MACROD2: variants seen among roughly 807,000 people sequenced by gnomAD.
The protein encoded by MACROD2 is mono-ADP ribosylhydrolase 2.
In MACROD2, 36 loss-of-function variants were observed where a neutral mutation model predicts 70.4. The ratio of observed to expected loss-of-function variants is 0.51; its 90% CI spans 0.39 to 0.68. The LOEUF (loss-of-function observed/expected upper bound fraction) is 0.68, where lower values mean the gene tolerates loss of function less well. MACROD2 is among the 30% of genes least tolerant of loss of function. The pLI is 0.00. For synonymous variants in MACROD2, 172 were observed against 178.8 expected (o/e 0.96, Z 0.30); for missense variants, 496 against 538.4 (o/e 0.92, Z 0.78).
intron 5 of MACROD2, among the ~76,000 whole-genome samples, chr20:15,007,007 TA>T (rs944214949): frequency 6.6e-4 from 100 of 151,214 alleles, no homozygotes; most frequent in Middle Eastern, 6.8e-3. Flanking sequence ...CCAATTGCTT[TA>T]AAAAAAATAC....
intron 8 of MACROD2, among the ~76,000 whole-genome samples, chr20:15,546,619 C>T (rs2146578367): frequency 6.6e-6 from 1 of 152,292 alleles, no homozygotes; most frequent in East Asian, 1.9e-4. Context: ...GAAATGGACA[C>T]TCAAAGCACA....
intron 5 of MACROD2, among the ~76,000 whole-genome samples, chr20:15,071,064 G>A (rs988407799): frequency 3.9e-5 from 6 of 152,060 alleles, no homozygotes; most frequent in African/African-American, 7.2e-5. Flanking sequence ...AATGGGCTTT[G>A]GCTCTATTTT....
intron 8 of MACROD2, among the ~76,000 whole-genome samples, chr20:15,650,564 T>A (rs932431960): frequency 2.0e-5 from 3 of 152,254 alleles, no homozygotes; most frequent in Non-Finnish European, 4.4e-5. Flanking sequence ...TGACCATCTG[T>A]GTTCAGGTCA....
At chr20:15,125,479 C>A (rs975573059) in intron 5 of MACROD2, among the ~76,000 whole-genome samples, 1 of 151,944 alleles carries the variant, frequency 6.6e-6, no homozygotes, top group Non-Finnish European at 1.5e-5. Context: ...TTCATTCAAC[C>A]AACATTTATC....
chr20:15,053,225 G>A (rs144323886), intron 5 of MACROD2, among the ~76,000 whole-genome samples: 48 of 152,330 alleles, frequency 3.2e-4, no homozygotes, highest in Non-Finnish European at 1.6e-4. Flanking sequence ...ACTGATGAGC[G>A]TGGCTATACC....
At chr20:14,556,292 G>A (rs1282542308) in intron 4 of MACROD2, among the ~76,000 whole-genome samples, 2 of 151,998 alleles carry the variant, frequency 1.3e-5, no homozygotes, top group East Asian at 1.9e-4. Context: ...ACAGTGCTAC[G>A]AAGATGGCAA....
intron 3 of MACROD2, among the ~76,000 whole-genome samples, chr20:14,161,579 T>G (rs2055189814): frequency 6.6e-6 from 1 of 151,654 alleles, no homozygotes; most frequent in East Asian, 1.9e-4. Flanking sequence ...CCTTTGGTTT[T>G]TTTTTTTTTT....
chr20:14,562,679 A>G (rs1979517379), intron 4 of MACROD2, among the ~76,000 whole-genome samples: 1 of 151,872 alleles, frequency 6.6e-6, no homozygotes, highest in Non-Finnish European at 1.5e-5. Flanking sequence ...TGAGATTTTC[A>G]GTCAATCACC....
At chr20:15,229,811 C>T in intron 5 of MACROD2, 129 bp from the exon 6 acceptor site, 3 of 913,398 alleles carry the variant, frequency 3.3e-6, no homozygotes, top group Non-Finnish European at 4.5e-6. Flanking sequence ...TTTGCGTCGC[C>T]AATGTATTGC....
At chr20:15,511,706 G>T in intron 8 of MACROD2, among the ~76,000 whole-genome samples, 1 of 152,116 alleles carries the variant, frequency 6.6e-6, no homozygotes, top group East Asian at 1.9e-4. Context: ...TAGGCTGGGC[G>T]GCTTCTTCTG....
chr20:14,773,830 C>A (rs758168492), intron 5 of MACROD2, among the ~76,000 whole-genome samples: 5 of 152,050 alleles, frequency 3.3e-5, no homozygotes, highest in Non-Finnish European at 7.4e-5. Flanking sequence ...ATCATTCTCA[C>A]CCATATTAAT....
intron 8 of MACROD2, among the ~76,000 whole-genome samples, chr20:15,822,440 C>A (rs1007258021): frequency 1.1e-4 from 16 of 151,960 alleles, no homozygotes; most frequent in Admixed American, 2.0e-4. Flanking sequence ...ATAAAATATA[C>A]CATGTTTGAA....
intron 3 of MACROD2, among the ~76,000 whole-genome samples, chr20:14,136,198 AATTTCC>A (rs1440137904): frequency 4.6e-5 from 7 of 152,276 alleles, no homozygotes; most frequent in South Asian, 2.1e-4. Context: ...AGCACTCAGA[AATTTCC>A]ATTTCCAAGT....
At chr20:15,901,668 G>T (rs554124546) in intron 10 of MACROD2, among the ~76,000 whole-genome samples, 4 of 152,300 alleles carry the variant, frequency 2.6e-5, no homozygotes, top group African/African-American at 9.6e-5. Context: ...CCCATCTTAA[G>T]TCAAGGAGCA....
intron 5 of MACROD2, among the ~76,000 whole-genome samples, chr20:14,736,255 T>C (rs2071663470): frequency 6.6e-6 from 1 of 152,172 alleles, no homozygotes; most frequent in Non-Finnish European, 1.5e-5. Context: ...TGTTACTCCA[T>C]TTATATAAAA....
intron 5 of MACROD2, among the ~76,000 whole-genome samples, chr20:14,858,979 C>T (rs897689428): frequency 6.6e-6 from 1 of 151,996 alleles, no homozygotes; most frequent in Non-Finnish European, 1.5e-5. Context: ...TAAGTAGTCA[C>T]GAATGGTTAA....
chr20:15,439,079 T>G (rs1166513719), intron 7 of MACROD2, among the ~76,000 whole-genome samples: 1 of 152,194 alleles, frequency 6.6e-6, no homozygotes, highest in Non-Finnish European at 1.5e-5. Context: ...AGAGCCAAAC[T>G]AAATACAGCA....
intron 12 of MACROD2, among the ~76,000 whole-genome samples, chr20:15,953,047 C>A (rs6110844): frequency 6.6e-6 from 1 of 152,010 alleles, no homozygotes; most frequent in Non-Finnish European, 1.5e-5. Context: ...AAAAGAAAGC[C>A]TGTCATTCGT....
intron 4 of MACROD2, among the ~76,000 whole-genome samples, chr20:14,599,985 A>T (rs1982381991): frequency 6.6e-6 from 1 of 152,114 alleles, no homozygotes; most frequent in Non-Finnish European, 1.5e-5. Flanking sequence ...ATAGAGGTTG[A>T]CATTTTCAGC....
Sources: allele counts gnomAD v4.1 joint callset (sites outside exome capture counted in the v4.1 genomes callset), GRCh38; gene constraint gnomAD v4.1.1; transcripts MANE v1.5; gene names NCBI Gene and HGNC (gene_info 2026-07-23, HGNC 2026-07-21).